LIPN: variants seen among roughly 807,000 people sequenced by gnomAD.
LIPN encodes lipase family member N.
Under a neutral mutation model 43.7 loss-of-function variants are expected in LIPN, and 32 were observed. The ratio of observed to expected loss-of-function variants is 0.73; its 90% CI spans 0.55 to 0.98. The LOEUF is 0.98. Ranked by LOEUF, LIPN falls within the 50% of genes least tolerant of loss-of-function variation. The probability of loss-of-function intolerance (pLI) is 0.00; values close to 1 mark genes in which losing one functional copy is unlikely to be tolerated. For synonymous variants in LIPN, 156 were observed against 157.6 expected (o/e 0.99, Z 0.08); for missense variants, 505 against 483.8 (o/e 1.04, Z -0.41).
chr10:88,763,032 G>A (rs1263202252), intron 3 of LIPN, among the ~76,000 whole-genome samples: 4 of 152,014 alleles, frequency 2.6e-5, no homozygotes, highest in Non-Finnish European at 5.9e-5. Flanking sequence ...GCTGCTTACC[G>A]TGTTCATTTT....
intron 4 of LIPN, among the ~76,000 whole-genome samples, 174 bp downstream of exon 4, chr10:88,764,782 C>T (rs1843065144): frequency 6.6e-6 from 1 of 151,946 alleles, no homozygotes; most frequent in Non-Finnish European, 1.5e-5. Context: ...CTGATTCTCC[C>T]ACAGGCAAAG....
intron 7 of LIPN, among the ~76,000 whole-genome samples, chr10:88,774,209 G>C (rs1394356292): frequency 1.3e-5 from 2 of 151,982 alleles, no homozygotes; most frequent in Non-Finnish European, 2.9e-5. Context: ...GACCATTACT[G>C]TTCCTTCTAC....
intron 4 of LIPN, among the ~76,000 whole-genome samples, chr10:88,765,758 G>A (rs543211678): frequency 1.8e-4 from 26 of 142,968 alleles, no homozygotes; most frequent in African/African-American, 5.2e-4. Flanking sequence ...ATTAAACCCC[G>A]TTAGCAGCCC....
At chr10:88,769,661 TTAG>T in intron 6 of LIPN, 1 of 725,742 alleles carries the variant, frequency 1.4e-6, no homozygotes. Flanking sequence ...AGGAGACCAG[TTAG>T]AATATCAAAA....
upstream of LIPN, among the ~76,000 whole-genome samples, chr10:88,758,814 A>T (rs1431739674): frequency 6.6e-6 from 1 of 152,046 alleles, no homozygotes; most frequent in Non-Finnish European, 1.5e-5. Flanking sequence ...CTCTTTTAAG[A>T]TTTGAGCTAG....
intron 9 of LIPN, among the ~76,000 whole-genome samples, chr10:88,775,891 T>C (rs1843289321): frequency 6.6e-6 from 1 of 152,102 alleles, no homozygotes; most frequent in Admixed American, 6.6e-5. Flanking sequence ...AAGTTGTTTC[T>C]GAGGATCAAA....
intron 5 of LIPN, among the ~76,000 whole-genome samples, chr10:88,767,030 T>G (rs529795499): frequency 6.6e-6 from 1 of 152,088 alleles, no homozygotes; most frequent in South Asian, 2.1e-4. Context: ...ACTTTACAAT[T>G]TACTTTCCAG....
chr10:88,763,760 G>A (rs1448106388), intron 3 of LIPN, among the ~76,000 whole-genome samples: 1 of 151,894 alleles, frequency 6.6e-6, no homozygotes, highest in African/African-American at 2.4e-5. Context: ...GTTGGCAGAG[G>A]GACACTGAGC....
intron 9 of LIPN, among the ~76,000 whole-genome samples, chr10:88,775,634 ATAAG>A (rs1843285685): frequency 6.6e-6 from 1 of 152,066 alleles, no homozygotes; most frequent in Non-Finnish European, 1.5e-5. Context: ...TGAAAGTTGA[ATAAG>A]TATTACCCAA....
At chr10:88,771,956 G>C (rs1473179434) in intron 7 of LIPN, among the ~76,000 whole-genome samples, 1 of 151,704 alleles carries the variant, frequency 6.6e-6, no homozygotes, top group Non-Finnish European at 1.5e-5. Context: ...ATTTTAACTG[G>C]AGTGAGATAG....
At position 88,768,015 on chromosome 10, in the gene LIPN, T is replaced by TACACACATACAC. The variant is rs1370426410; in HGVS notation, c.536-770_536-769insTACACACACACA. 1.1e-3 allele frequency among the ~76,000 whole-genome samples: 156 copies of TACACACATACAC among 141,060 alleles called. 1 individual carries two copies. The highest frequency in any genetic ancestry group is 3.3e-3 in the African/African-American group (125 of 38,458). 92.5% of individuals were successfully genotyped at this position (141,060 alleles called of 152,430 possible). On this transcript the variant is annotated intron_variant, in intron 5 of 9. Transcript: ENST00000404459. ...TTTAATGTTCCAACAAGTGTTTCAG[T>TACACACATACAC]ACACACACACACACACACACACACA...
intron 9 of LIPN, 116 bp from the exon 10 acceptor site, chr10:88,777,893 A>T (rs556404958): frequency 1.6e-6 from 1 of 614,514 alleles, no homozygotes; most frequent in African/African-American, 1.8e-5. Flanking sequence ...TGTTTTCTTC[A>T]TATGTTGCTG....
chr10:88,764,177 C>T (rs377116515), intron 3 of LIPN, among the ~76,000 whole-genome samples: 15 of 151,992 alleles, frequency 9.9e-5, no homozygotes, highest in African/African-American at 2.7e-4. Context: ...CATATAAATA[C>T]GTCAACATAG....
chr10:88,762,894 C>G (rs1202828609), intron 3 of LIPN, among the ~76,000 whole-genome samples: 2 of 151,862 alleles, frequency 1.3e-5, no homozygotes, highest in Admixed American at 6.6e-5. Context: ...GAATGAGGAG[C>G]CAGCCATGCC....
chr10:88,776,182 C>A (rs1388872162), intron 9 of LIPN, among the ~76,000 whole-genome samples: 1 of 150,492 alleles, frequency 6.6e-6, no homozygotes, highest in Non-Finnish European at 1.5e-5. Flanking sequence ...TATTTATAGA[C>A]ACAAATGCGT....
intron 8 of LIPN, 130 bp from the exon 9 acceptor site, chr10:88,774,962 G>A (rs1477566424): frequency 3.2e-6 from 2 of 617,014 alleles, no homozygotes; most frequent in South Asian, 2.0e-5. Context: ...TTGTAAAATG[G>A]GTGGTTACAT....
At chr10:88,763,355 G>A (rs770410855) in intron 3 of LIPN, among the ~76,000 whole-genome samples, 15 of 152,006 alleles carry the variant, frequency 9.9e-5, no homozygotes, top group Non-Finnish European at 2.1e-4. Flanking sequence ...GGCAATCCCA[G>A]GCACATGTGT....
intron 3 of LIPN, among the ~76,000 whole-genome samples, chr10:88,763,038 A>T (rs1417182411): frequency 6.6e-6 from 1 of 152,032 alleles, no homozygotes; most frequent in Non-Finnish European, 1.5e-5. Flanking sequence ...TACCGTGTTC[A>T]TTTTGCATCT....
intron 4 of LIPN, 45 bp downstream of exon 4, chr10:88,764,653 T>A: frequency 7.1e-7 from 1 of 1,401,116 alleles, no homozygotes; most frequent in Admixed American, 2.2e-5. Context: ...TGGAGGCAAT[T>A]TAAAAAAAAT....
Sources: allele counts gnomAD v4.1 joint callset (sites outside exome capture counted in the v4.1 genomes callset), GRCh38; gene constraint gnomAD v4.1.1; transcripts MANE v1.5; gene names NCBI Gene and HGNC (gene_info 2026-07-23, HGNC 2026-07-21).